Variants in TBL1XR1 observed in about 807,000 individuals in gnomAD.
TBL1XR1 encodes TBL1X/Y related 1.
In TBL1XR1, 5 loss-of-function variants were observed where a neutral mutation model predicts 66.9. That is an observed-to-expected ratio of 0.07 (90% CI 0.04 to 0.16). TBL1XR1 has a LOEUF of 0.16. TBL1XR1 is among the 10% of genes least tolerant of loss of function. TBL1XR1 has a pLI of 1.00. For synonymous variants in TBL1XR1, 210 were observed against 206.0 expected, an observed-to-expected ratio of 1.02 and a Z score of -0.17; for missense variants, 238 against 623.2, an observed-to-expected ratio of 0.38 and a Z score of 6.58.
intron 1 of TBL1XR1, among the ~76,000 whole-genome samples, chr3:177,164,396 C>T (rs1229057367): frequency 6.6e-6 from 1 of 150,674 alleles, no homozygotes; most frequent in Non-Finnish European, 1.5e-5. Context: ...GTCGCCCAGG[C>T]TGGAGTGCAA....
At chr3:177,037,416 ATT>A in intron 12 of TBL1XR1, 1 of 152,250 alleles carries the variant, frequency 6.6e-6, no homozygotes, top group South Asian at 2.1e-4. Context: ...GTGAGACATT[ATT>A]TCCGGCTGTG....
At chr3:177,112,938 G>A (rs1725834679) in intron 1 of TBL1XR1, among the ~76,000 whole-genome samples, 1 of 152,014 alleles carries the variant, frequency 6.6e-6, no homozygotes, top group African/African-American at 2.4e-5. Flanking sequence ...GAAAGGCGGA[G>A]GGAGGCAGAG....
chr3:177,060,203 T>G (rs1718337035), intron 3 of TBL1XR1, among the ~76,000 whole-genome samples: 1 of 152,210 alleles, frequency 6.6e-6, no homozygotes, highest in African/African-American at 2.4e-5. Flanking sequence ...TTTTCATATA[T>G]ACATATATCC....
chr3:177,134,338 C>T (rs1728653576), intron 1 of TBL1XR1, among the ~76,000 whole-genome samples: 1 of 152,086 alleles, frequency 6.6e-6, no homozygotes, highest in Admixed American at 6.5e-5. Flanking sequence ...CAAGCAGGAA[C>T]CATAAATCAG....
At chr3:177,032,044 CTA>C (rs1270590547) in intron 14 of TBL1XR1, among the ~76,000 whole-genome samples, 2 of 152,086 alleles carry the variant, frequency 1.3e-5, no homozygotes, top group Non-Finnish European at 2.9e-5. Context: ...AAATTTAAAA[CTA>C]TGCTGAAATA....
chr3:177,156,455 C>T (rs1045168767), intron 1 of TBL1XR1, among the ~76,000 whole-genome samples: 5 of 150,474 alleles, frequency 3.3e-5, no homozygotes, highest in Admixed American at 6.7e-5. Context: ...GCCAAGAACA[C>T]GCCATTGCAG....
chr3:177,029,639 A>C (rs749175122), intron 14 of TBL1XR1, among the ~76,000 whole-genome samples: 12 of 152,220 alleles, frequency 7.9e-5, no homozygotes, highest in African/African-American at 1.9e-4. Context: ...ACAAAACAAC[A>C]ACCAAAAAAC....
chr3:177,062,506 T>C (rs186590939), intron 3 of TBL1XR1, among the ~76,000 whole-genome samples: 63 of 152,322 alleles, frequency 4.1e-4, no homozygotes, highest in Non-Finnish European at 7.3e-4. Context: ...TATGGCAAGT[T>C]GCAGTCCTGG....
chr3:177,064,790 T>G (rs751532834), intron 3 of TBL1XR1, 130 bp downstream of exon 3: 1 of 655,126 alleles, frequency 1.5e-6, no homozygotes, highest in Admixed American at 3.6e-5. Context: ...AGCTTTAAAA[T>G]GGCAGTCCAG....
At chr3:177,129,701 A>T (rs933060636) in intron 1 of TBL1XR1, among the ~76,000 whole-genome samples, 34 of 151,752 alleles carry the variant, frequency 2.2e-4, no homozygotes, top group Admixed American at 1.6e-3. Context: ...AGCATATCTT[A>T]AAAAAAAAGT....
rs1392090604 is a variant in TBL1XR1 at position 177,022,734 on chromosome 3, G to A, written c.*2764C>T. ...TCCCAAATACAGAACTTTACAAGCT[G>A]TGAAACTTGGTCTCTTGCAATCATG... On this transcript the variant is annotated 3_prime_UTR_variant, in exon 16 of 16. Transcript: ENST00000457928. 3.3e-5 allele frequency: 5 copies of A among 152,640 alleles called. No homozygotes were observed. The East Asian group carries it at 9.6e-4, about 29-fold the overall frequency. 9.5% of individuals were successfully genotyped at this position (152,640 alleles called of 1,614,324 possible). A position where few individuals can be genotyped will look rare whatever the true frequency, so the allele number is the denominator to read the frequency against.
At chr3:177,174,538 C>T (rs1295565190) in intron 1 of TBL1XR1, among the ~76,000 whole-genome samples, 1 of 151,996 alleles carries the variant, frequency 6.6e-6, no homozygotes, top group East Asian at 1.9e-4. Flanking sequence ...ATTAATTCCC[C>T]ATCCCAACAA....
intron 12 of TBL1XR1, 83 bp downstream of exon 12, chr3:177,038,015 G>A (rs1397193012): frequency 1.7e-6 from 2 of 1,196,066 alleles, no homozygotes; most frequent in East Asian, 4.7e-5. Flanking sequence ...ATGTAAGACA[G>A]ACATTCTAAA....
At chr3:177,119,354 A>T (rs1328281714) in intron 1 of TBL1XR1, among the ~76,000 whole-genome samples, 1 of 152,202 alleles carries the variant, frequency 6.6e-6, no homozygotes, top group Non-Finnish European at 1.5e-5. Context: ...TTGATCCTGG[A>T]ACCTTTTCCA....
chr3:177,062,997 G>A (rs1718711200), intron 3 of TBL1XR1, among the ~76,000 whole-genome samples: 1 of 151,938 alleles, frequency 6.6e-6, no homozygotes, highest in South Asian at 2.1e-4. Flanking sequence ...AGCCAGGCAT[G>A]GTGGTGCATG....
intron 1 of TBL1XR1, among the ~76,000 whole-genome samples, chr3:177,194,793 T>C (rs959200925): frequency 2.0e-5 from 3 of 152,206 alleles, no homozygotes; most frequent in Non-Finnish European, 4.4e-5. Context: ...AACCTTTAAT[T>C]AGGTGTCGAG....
At chr3:177,073,337 C>A (rs528644285) in intron 2 of TBL1XR1, among the ~76,000 whole-genome samples, 21 of 152,216 alleles carry the variant, frequency 1.4e-4, no homozygotes, top group Admixed American at 2.6e-4. Context: ...TTTAACACAA[C>A]CTAAATCTTT....
At chr3:177,157,471 A>C (rs754133946) in intron 1 of TBL1XR1, among the ~76,000 whole-genome samples, 6 of 152,182 alleles carry the variant, frequency 3.9e-5, no homozygotes, top group Non-Finnish European at 7.3e-5. Flanking sequence ...AAAATTCTGA[A>C]TTTAACATAA....
chr3:177,029,734 A>C (rs1343037325), intron 14 of TBL1XR1, among the ~76,000 whole-genome samples: 4 of 152,222 alleles, frequency 2.6e-5, no homozygotes, highest in African/African-American at 7.2e-5. Context: ...CCATATAACC[A>C]GGAAGGATTA....
Sources: allele counts gnomAD v4.1 joint callset (sites outside exome capture counted in the v4.1 genomes callset), GRCh38; gene constraint gnomAD v4.1.1; transcripts MANE v1.5; gene names NCBI Gene and HGNC (gene_info 2026-07-23, HGNC 2026-07-21).